PTPRD: variants seen among roughly 807,000 people sequenced by gnomAD.
The protein encoded by PTPRD is protein tyrosine phosphatase receptor type D.
PTPRD carries 34 observed loss-of-function variants against 214.5 expected under a neutral mutation model. The ratio of observed to expected loss-of-function variants is 0.16; its 90% CI spans 0.12 to 0.21. The LOEUF is 0.21. Among genes scored for constraint, PTPRD ranks in the 10% least tolerant of loss-of-function variants. The pLI is 1.00. For synonymous variants in PTPRD, 1,128 were observed against 845.7 expected (o/e 1.33, Z -5.79); for missense variants, 2,545 against 2,398.7 (o/e 1.06, Z -1.27).
At chr9:9,103,481 A>G (rs2099794153) in intron 10 of PTPRD, among the ~76,000 whole-genome samples, 1 of 152,208 alleles carries the variant, frequency 6.6e-6, no homozygotes, top group Non-Finnish European at 1.5e-5. Context: ...ATGAACTTAT[A>G]TATGTTAAAT....
At chr9:10,382,062 G>A (rs776619460) in intron 2 of PTPRD, among the ~76,000 whole-genome samples, 5 of 151,796 alleles carry the variant, frequency 3.3e-5, no homozygotes, top group African/African-American at 9.7e-5. Flanking sequence ...CCAGTAAGTC[G>A]TCTAATGTCT....
chr9:10,445,424 T>C (rs2098791861), intron 2 of PTPRD, among the ~76,000 whole-genome samples: 1 of 151,664 alleles, frequency 6.6e-6, no homozygotes, highest in Non-Finnish European at 1.5e-5. Context: ...ATGAAGTAAA[T>C]GGAGGTCTAC....
chr9:10,035,560 G>C (rs569051299), intron 3 of PTPRD, among the ~76,000 whole-genome samples: 2 of 152,056 alleles, frequency 1.3e-5, no homozygotes, highest in South Asian at 4.2e-4. Context: ...GTTTTTTATA[G>C]TTTTAGGTTT....
Position 9,267,043 on chromosome 9 carries a change from C to G in PTPRD, c.-202-83680G>C, listed in dbSNP as rs758420459. On this transcript the variant is annotated intron_variant, in intron 9 of 45. Transcript: ENST00000381196. ...CTGTAAAGAAAAGAACATCAACAAA[C>G]TTTTAGCTAGAGTGATGAAGAAATA... Among the ~76,000 whole-genome samples the G allele has an allele frequency of 6.6e-5, 10 of 151,264 alleles. No homozygotes were observed. In the East Asian group the frequency reaches 1.8e-3, roughly 27 times the overall value.
intron 5 of PTPRD, among the ~76,000 whole-genome samples, chr9:9,823,948 T>A (rs989733190): frequency 9.2e-5 from 14 of 152,064 alleles, no homozygotes; most frequent in Non-Finnish European, 1.6e-4. Context: ...CATTACACAT[T>A]TTATGTTTGT....
chr9:9,500,239 A>G (rs2096363292), intron 8 of PTPRD, among the ~76,000 whole-genome samples: 1 of 152,156 alleles, frequency 6.6e-6, no homozygotes, highest in African/African-American at 2.4e-5. Context: ...CAGCCATGAT[A>G]GAGAAAGTCA....
At chr9:9,816,561 T>C (rs2048837978) in intron 5 of PTPRD, among the ~76,000 whole-genome samples, 1 of 152,086 alleles carries the variant, frequency 6.6e-6, no homozygotes, top group African/African-American at 2.4e-5. Context: ...GAATAATATA[T>C]TGAACAATAT....
intron 9 of PTPRD, among the ~76,000 whole-genome samples, chr9:9,375,113 G>A (rs2060446564): frequency 6.6e-6 from 1 of 152,054 alleles, no homozygotes; most frequent in Non-Finnish European, 1.5e-5. Flanking sequence ...TGGCACATGT[G>A]TTTCAAACAA....
At chr9:8,998,100 G>A (rs2099403987) in intron 11 of PTPRD, among the ~76,000 whole-genome samples, 1 of 152,074 alleles carries the variant, frequency 6.6e-6, no homozygotes, top group Non-Finnish European at 1.5e-5. Flanking sequence ...AGCAAGTGCT[G>A]ATGTACAAGC....
intron 3 of PTPRD, among the ~76,000 whole-genome samples, chr9:10,222,364 C>T (rs2099574173): frequency 6.6e-6 from 1 of 151,872 alleles, no homozygotes; most frequent in African/African-American, 2.4e-5. Context: ...AGAAATTGGC[C>T]ACTGTTTCTA....
intron 14 of PTPRD, among the ~76,000 whole-genome samples, chr9:8,545,284 T>C (rs960517122): frequency 6.6e-6 from 1 of 152,194 alleles, no homozygotes; most frequent in Non-Finnish European, 1.5e-5. Flanking sequence ...TGTTCAGACA[T>C]ACAGGGACCC....
rs184248309 is a variant in PTPRD, at chr9:10,404,362, A to G, written c.-599-63345T>C. Among the ~76,000 whole-genome samples the G allele has an allele frequency of 4.5e-3, 681 of 151,812 alleles. 3 individuals are homozygous for G. Among genetic ancestry groups the G allele is most frequent in the African/African-American group, 0.016 (648 of 41,492 alleles). ...TTGACTTTTTGAGAGAAAGTTCAAA[A>G]CTTTCATACTTTGTTCCAGAACAGT... is the stretch of plus-strand genomic sequence containing the variant. On this transcript the variant is annotated intron_variant, in intron 2 of 45. Coordinates refer to ENST00000381196, the MANE Select transcript of PTPRD (RefSeq NM_002839.4).
Position 10,289,846 on chromosome 9 carries a change from T to C in PTPRD, c.-545+51117A>G, listed in dbSNP as rs1195564150. 2.6e-5 allele frequency among the ~76,000 whole-genome samples: 4 copies of C among 152,142 alleles called. No individual in the cohort carries two copies. In the East Asian group the frequency reaches 7.7e-4, roughly 29 times the overall value. On this transcript the variant is annotated intron_variant, in intron 3 of 45. Transcript: ENST00000381196. ...GTAATAAAGAATAGAATAAAATGTA[T>C]GGAAAGAGAGGTACAGATAGAATCT... is the stretch of plus-strand genomic sequence containing the variant.
At chr9:9,819,011 A>T (rs2049778230) in intron 5 of PTPRD, among the ~76,000 whole-genome samples, 1 of 152,006 alleles carries the variant, frequency 6.6e-6, no homozygotes, top group Non-Finnish European at 1.5e-5. Flanking sequence ...ATTTAAATGT[A>T]AAGCACTTCA....
Position 8,314,609 on chromosome 9 carries a change from A to G in PTPRD, c.*3265T>C. The G allele has an allele frequency of 4.3e-6, 1 of 232,260 alleles. No homozygotes were observed. Among genetic ancestry groups the G allele is most frequent in the Non-Finnish European group, 8.5e-6 (1 of 117,278 alleles). The allele number at this position is 232,260 out of a possible 1,614,324, so 14.4% of individuals were successfully genotyped here. On this transcript the variant is annotated 3_prime_UTR_variant, in exon 46 of 46. Transcript: ENST00000381196. The stretch of plus-strand genomic sequence containing the variant: ...TCTCTGCTGGAGTATCAGGGCACCC[A>G]TAAACCCAAAAGGAACCAAAACCCA...
At chr9:10,268,273 G>C (rs1395257033) in intron 3 of PTPRD, among the ~76,000 whole-genome samples, 1 of 147,582 alleles carries the variant, frequency 6.8e-6, no homozygotes, top group Non-Finnish European at 1.5e-5. Context: ...CTGGGCAGCA[G>C]AGCAAGACTC....
intron 35 of PTPRD, among the ~76,000 whole-genome samples, chr9:8,429,455 C>T (rs375260627): frequency 3.9e-5 from 6 of 152,200 alleles, no homozygotes; most frequent in Non-Finnish European, 7.4e-5. Context: ...TGTCTCTATA[C>T]GTCTCAACAC....
chr9:9,934,235 G>T (rs892288196), intron 5 of PTPRD, among the ~76,000 whole-genome samples: 2 of 147,694 alleles, frequency 1.4e-5, no homozygotes, highest in African/African-American at 2.6e-5. Flanking sequence ...GATCAGAGCA[G>T]AACTGAAGGA....
At chr9:9,566,342 T>C (rs527414590) in intron 8 of PTPRD, among the ~76,000 whole-genome samples, 1 of 152,024 alleles carries the variant, frequency 6.6e-6, no homozygotes, top group African/African-American at 2.4e-5. Flanking sequence ...GAATTTTATT[T>C]GTTTAATGTA....
Sources: gnomAD v4.1 joint callset for allele counts (sites outside exome capture counted in the v4.1 genomes callset) on GRCh38, gnomAD v4.1.1 for gene constraint, MANE v1.5 for transcripts, NCBI Gene and HGNC (gene_info 2026-07-23, HGNC 2026-07-21) for gene names.